The following LHFPL3 variants were observed in gnomAD, a reference collection of about 807,000 sequenced individuals.
LHFPL3 encodes LHFPL tetraspan subfamily member 3 protein.
A neutral mutation model predicts 19.3 loss-of-function variants in LHFPL3; 5 were observed. That is an observed-to-expected ratio of 0.26 (90% CI 0.14 to 0.54). The LOEUF (loss-of-function observed/expected upper bound fraction) is 0.54. LHFPL3 is among the 20% of genes least tolerant of loss of function. LHFPL3 has a pLI of 0.94. For missense variants in LHFPL3, 249 were observed against 307.4 expected, an observed-to-expected ratio of 0.81 and a Z score of 1.42; for synonymous variants, 133 against 126.2, an observed-to-expected ratio of 1.05 and a Z score of -0.36.
intron 1 of LHFPL3, among the ~76,000 whole-genome samples, chr7:104,337,338 T>C (rs759517758): frequency 6.6e-6 from 1 of 152,140 alleles, no homozygotes; most frequent in Non-Finnish European, 1.5e-5. Context: ...TAACATCAGA[T>C]GCCTATTTAA....
chr7:104,865,285 G>A (rs898034138), intron 2 of LHFPL3, among the ~76,000 whole-genome samples: 16 of 152,104 alleles, frequency 1.1e-4, no homozygotes, highest in Admixed American at 1.0e-3. Flanking sequence ...CCGAGCTAAA[G>A]GAGGAAGTTT....
At chr7:104,823,927 C>A (rs1184756638) in intron 2 of LHFPL3, among the ~76,000 whole-genome samples, 5 of 151,476 alleles carry the variant, frequency 3.3e-5, no homozygotes, top group Non-Finnish European at 7.4e-5. Flanking sequence ...GGGTGGATCA[C>A]TTGAGGTCCG....
At chr7:104,670,976 A>G (rs1477156914) in intron 1 of LHFPL3, among the ~76,000 whole-genome samples, 1 of 151,752 alleles carries the variant, frequency 6.6e-6, no homozygotes, top group Non-Finnish European at 1.5e-5. Context: ...CTGCCTTTAT[A>G]TGCATTTTTG....
At chr7:104,802,514 A>AG (rs1790272928) in intron 2 of LHFPL3, among the ~76,000 whole-genome samples, 2 of 141,732 alleles carry the variant, frequency 1.4e-5, no homozygotes, top group African/African-American at 2.6e-5. Flanking sequence ...AAAAAAAAAA[A>AG]AGAGAGAGAG....
intron 1 of LHFPL3, among the ~76,000 whole-genome samples, chr7:104,701,076 G>A (rs1439952646): frequency 6.6e-6 from 1 of 152,204 alleles, no homozygotes; most frequent in African/African-American, 2.4e-5. Flanking sequence ...CTGTATGCCT[G>A]TGTCTTTACT....
At chr7:104,505,828 A>G (rs1277589285) in intron 1 of LHFPL3, among the ~76,000 whole-genome samples, 1 of 152,186 alleles carries the variant, frequency 6.6e-6, no homozygotes, top group Non-Finnish European at 1.5e-5. Flanking sequence ...AATGAGAAGT[A>G]TTTAAAAAGT....
chr7:104,485,058 T>C (rs1182454254), intron 1 of LHFPL3, among the ~76,000 whole-genome samples: 1 of 152,178 alleles, frequency 6.6e-6, no homozygotes, highest in Non-Finnish European at 1.5e-5. Flanking sequence ...CCTGATGAAA[T>C]GGTCTTTTAA....
intron 1 of LHFPL3, among the ~76,000 whole-genome samples, chr7:104,434,470 T>A (rs4730009): frequency 0.2 from 30,867 of 152,108 alleles, 3,559 homozygotes; most frequent in Admixed American, 0.33. Flanking sequence ...TACAGAAAAC[T>A]ATAAGAATCA....
At position 104,626,030 on chromosome 7, in the gene LHFPL3, C is replaced by T. The variant is rs534944092; in HGVS notation, c.446-110645C>T. Among the ~76,000 whole-genome samples the T allele has an allele frequency of 1.4e-3, 214 of 152,286 alleles. 3 individuals carry two copies. The highest frequency in any genetic ancestry group is 5.0e-3 in the African/African-American group (206 of 41,546). ...TCCACTGTCACCCTTGGCATATATT[C>T]AGTAAGAATAAACAACACAAAGTAC... On this transcript the variant is annotated intron_variant, in intron 1 of 2. Coordinates refer to ENST00000424859, the MANE Select transcript of LHFPL3 (RefSeq NM_199000.3).
At chr7:104,742,436 G>A (rs1308161909) in intron 2 of LHFPL3, among the ~76,000 whole-genome samples, 1 of 152,208 alleles carries the variant, frequency 6.6e-6, no homozygotes, top group African/African-American at 2.4e-5. Context: ...TATAGTGGAG[G>A]AGGTAGAATA....
chr7:104,711,937 G>T (rs757935566), intron 1 of LHFPL3, among the ~76,000 whole-genome samples: 1 of 152,204 alleles, frequency 6.6e-6, no homozygotes, highest in Non-Finnish European at 1.5e-5. Context: ...ACTACTATGT[G>T]TAACATTATG....
intron 1 of LHFPL3, among the ~76,000 whole-genome samples, chr7:104,735,846 G>A (rs375024965): frequency 1.1e-4 from 17 of 152,276 alleles, no homozygotes; most frequent in Middle Eastern, 3.4e-3. Flanking sequence ...TTTTGGAACC[G>A]CCATAACACT....
intron 2 of LHFPL3, among the ~76,000 whole-genome samples, chr7:104,737,732 A>T (rs1793856267): frequency 6.6e-6 from 1 of 152,222 alleles, no homozygotes; most frequent in East Asian, 1.9e-4. Flanking sequence ...TCTTTATGTT[A>T]TCTTTAACTT....
At chr7:104,430,436 A>ACG (rs1487137412) in intron 1 of LHFPL3, among the ~76,000 whole-genome samples, 1 of 13,092 alleles carries the variant, frequency 7.6e-5, no homozygotes, top group African/African-American at 3.0e-4. Context: ...ATATATATAT[A>ACG]TATATATATA....
chr7:104,652,926 G>A (rs940743239), intron 1 of LHFPL3, among the ~76,000 whole-genome samples: 7 of 151,998 alleles, frequency 4.6e-5, no homozygotes, highest in Non-Finnish European at 1.0e-4. Flanking sequence ...AATCAGGGAG[G>A]GAGGCTATTC....
At chr7:104,468,141 AC>A (rs1290275055) in intron 1 of LHFPL3, among the ~76,000 whole-genome samples, 5 of 152,310 alleles carry the variant, frequency 3.3e-5, no homozygotes, top group Non-Finnish European at 7.3e-5. Flanking sequence ...CACTGCTGCA[AC>A]CCGGAGGTCA....
intron 1 of LHFPL3, among the ~76,000 whole-genome samples, chr7:104,500,288 T>C (rs1224810555): frequency 2.0e-5 from 3 of 152,194 alleles, no homozygotes; most frequent in African/African-American, 7.2e-5. Flanking sequence ...CGTGATTCCT[T>C]CTAATCAACT....
chr7:104,377,716 T>C (rs1005580664), intron 1 of LHFPL3, among the ~76,000 whole-genome samples: 1 of 152,166 alleles, frequency 6.6e-6, no homozygotes, highest in African/African-American at 2.4e-5. Context: ...CACTTTTCAC[T>C]CCTATCCCCA....
chr7:104,708,171 C>T (rs186032574), intron 1 of LHFPL3, among the ~76,000 whole-genome samples: 17 of 152,266 alleles, frequency 1.1e-4, no homozygotes, highest in Admixed American at 3.9e-4. Flanking sequence ...CCAACTTTCG[C>T]GGTCCATAGA....
Sources: allele counts gnomAD v4.1 joint callset (sites outside exome capture counted in the v4.1 genomes callset), GRCh38; gene constraint gnomAD v4.1.1; transcripts MANE v1.5; gene names NCBI Gene and HGNC (gene_info 2026-07-23, HGNC 2026-07-21).